The following ZNF804B variants were observed in gnomAD, a reference collection of about 807,000 sequenced individuals.
ZNF804B encodes zinc finger 804B.
Under a neutral mutation model 101.4 loss-of-function variants are expected in ZNF804B, and 80 were observed. That is an observed-to-expected ratio of 0.79 (90% confidence interval 0.66 to 0.95). ZNF804B has a LOEUF of 0.95. Ranked by LOEUF, ZNF804B falls within the 40% of genes least tolerant of loss-of-function variation. The pLI, the probability that ZNF804B is intolerant of heterozygous loss-of-function variation, is 0.00. For missense variants in ZNF804B, 1,673 were observed against 1,561.9 expected (o/e 1.07, Z -1.20); for synonymous variants, 622 against 558.8 (o/e 1.11, Z -1.59).
intron 1 of ZNF804B, among the ~76,000 whole-genome samples, chr7:88,955,789 A>G (rs945403235): frequency 4.6e-5 from 7 of 151,716 alleles, no homozygotes; most frequent in African/African-American, 1.4e-4. Context: ...ACAGCACAGG[A>G]AACAATCAAC....
At chr7:88,805,642 A>G (rs1249242095) in intron 1 of ZNF804B, among the ~76,000 whole-genome samples, 1 of 152,210 alleles carries the variant, frequency 6.6e-6, no homozygotes, top group Non-Finnish European at 1.5e-5. Flanking sequence ...AAAATATAAA[A>G]GGGTGATGAA....
At chr7:89,157,473 TTA>T (rs1047859537) in intron 1 of ZNF804B, among the ~76,000 whole-genome samples, 52 of 152,222 alleles carry the variant, frequency 3.4e-4, no homozygotes, top group African/African-American at 1.3e-3. Context: ...TAATGGCACA[TTA>T]TTTTTTTTCA....
At chr7:89,147,992 C>T (rs961405686) in intron 1 of ZNF804B, among the ~76,000 whole-genome samples, 4 of 151,718 alleles carry the variant, frequency 2.6e-5, no homozygotes, top group Non-Finnish European at 5.9e-5. Flanking sequence ...TGATTCATCC[C>T]GAAAGCATCC....
intron 1 of ZNF804B, among the ~76,000 whole-genome samples, chr7:89,105,845 G>T (rs1162589173): frequency 2.0e-5 from 3 of 152,236 alleles, no homozygotes; most frequent in Middle Eastern, 6.8e-3. Context: ...TCATGTTGGG[G>T]TTCCCATGAC....
At chr7:88,873,961 T>C (rs1341703119) in intron 1 of ZNF804B, among the ~76,000 whole-genome samples, 2 of 152,184 alleles carry the variant, frequency 1.3e-5, no homozygotes, top group African/African-American at 4.8e-5. Flanking sequence ...GGGCTCTTTT[T>C]TGGTTCCATA....
At chr7:89,188,316 T>C (rs1788404968) in intron 1 of ZNF804B, among the ~76,000 whole-genome samples, 1 of 152,146 alleles carries the variant, frequency 6.6e-6, no homozygotes, top group African/African-American at 2.4e-5. Context: ...AACTGTGAAC[T>C]TAACCAATAA....
intron 1 of ZNF804B, among the ~76,000 whole-genome samples, chr7:88,957,814 ATTAT>A (rs1793332772): frequency 6.6e-6 from 1 of 151,350 alleles, no homozygotes; most frequent in Non-Finnish European, 1.5e-5. Context: ...GTCTTAAAAA[ATTAT>A]TTAATAACAA....
chr7:89,094,307 A>T (rs1404805115), intron 1 of ZNF804B, among the ~76,000 whole-genome samples: 1 of 152,156 alleles, frequency 6.6e-6, no homozygotes, highest in Admixed American at 6.6e-5. Context: ...TTGTTTTCAA[A>T]TGTTTATTTA....
At chr7:89,156,071 T>TC (rs374052675) in intron 1 of ZNF804B, among the ~76,000 whole-genome samples, 3,457 of 58,336 alleles carry the variant, frequency 0.059, 121 homozygotes, top group Middle Eastern at 0.13. Flanking sequence ...TTTCTTTCTT[T>TC]CTCTCTTTCT....
At chr7:89,091,223 A>G (rs867437777) in intron 1 of ZNF804B, among the ~76,000 whole-genome samples, 215 of 146,056 alleles carry the variant, frequency 1.5e-3, no homozygotes, top group Non-Finnish European at 2.2e-3. Flanking sequence ...GCCAGCTAGG[A>G]AAAAAAAAAA....
At chr7:89,293,336 A>T (rs1416296957) in intron 2 of ZNF804B, among the ~76,000 whole-genome samples, 1 of 152,158 alleles carries the variant, frequency 6.6e-6, no homozygotes, top group Non-Finnish European at 1.5e-5. Context: ...TAATTCCACC[A>T]TATATACATG....
intron 1 of ZNF804B, among the ~76,000 whole-genome samples, chr7:89,087,556 A>G (rs984671621): frequency 2.0e-5 from 3 of 151,986 alleles, no homozygotes; most frequent in Admixed American, 1.3e-4. Context: ...ACTAGTTTTG[A>G]TATCTCTTTA....
chr7:89,145,087 CAG>C (rs1305229275), intron 1 of ZNF804B, among the ~76,000 whole-genome samples: 6 of 151,548 alleles, frequency 4.0e-5, no homozygotes, highest in Non-Finnish European at 7.4e-5. Flanking sequence ...GCCTGGGTGA[CAG>C]AGTGAGACTC....
At position 89,337,643 on chromosome 7, in the gene ZNF804B, AAAAT is replaced by A. The variant is rs1369096626; in HGVS notation, c.*616_*619del. On this transcript the variant is annotated 3_prime_UTR_variant, in exon 4 of 4. Coordinates refer to ENST00000333190, the MANE Select transcript of ZNF804B (RefSeq NM_181646.5). Reference sequence around the variant, plus strand: ...AGATTATACTTTTGAGTTTCTGTGAAAAATAAATTATCTTCATTTCACACAAATC... The same window carrying A: ...AGATTATACTTTTGAGTTTCTGTGAAAAATTATCTTCATTTCACACAAATC... Among the ~76,000 whole-genome samples, 3 of 152,094 alleles carry A rather than the reference AAAAT, an allele frequency of 2.0e-5. No individual in the cohort carries two copies. The highest frequency in any genetic ancestry group is 7.2e-5 in the African/African-American group (3 of 41,440).
At chr7:88,943,235 A>G (rs904845340) in intron 1 of ZNF804B, among the ~76,000 whole-genome samples, 1 of 151,930 alleles carries the variant, frequency 6.6e-6, no homozygotes, top group Non-Finnish European at 1.5e-5. Context: ...TAATAATTGA[A>G]GTTGGAAACA....
chr7:89,326,400 C>T (rs956285741), intron 2 of ZNF804B, among the ~76,000 whole-genome samples: 8 of 152,070 alleles, frequency 5.3e-5, no homozygotes, highest in Non-Finnish European at 1.2e-4. Context: ...TAACAGTCGG[C>T]TCCAGTATTA....
At chr7:89,196,463 A>G (rs1339826771) in intron 1 of ZNF804B, among the ~76,000 whole-genome samples, 5 of 152,178 alleles carry the variant, frequency 3.3e-5, no homozygotes, top group African/African-American at 1.2e-4. Context: ...CTTACACCTT[A>G]TACAAAAATT....
chr7:89,147,671 C>T (rs1310366189), intron 1 of ZNF804B, among the ~76,000 whole-genome samples: 1 of 151,988 alleles, frequency 6.6e-6, no homozygotes, highest in African/African-American at 2.4e-5. Context: ...TACAGCTACT[C>T]TGCATGGCTC....
chr7:88,897,692 T>C (rs763589095), intron 1 of ZNF804B, among the ~76,000 whole-genome samples: 20 of 152,172 alleles, frequency 1.3e-4, no homozygotes, highest in South Asian at 2.1e-4. Flanking sequence ...CTCTTCTCTG[T>C]TGAGTGGCAA....
Sources: gnomAD v4.1 joint callset for allele counts (sites outside exome capture counted in the v4.1 genomes callset) on GRCh38, gnomAD v4.1.1 for gene constraint, MANE v1.5 for transcripts, NCBI Gene and HGNC (gene_info 2026-07-23, HGNC 2026-07-21) for gene names.